STAB1: variants seen among roughly 807,000 people sequenced by gnomAD.
STAB1 encodes stabilin-1.
Under a neutral mutation model 332.4 loss-of-function variants are expected in STAB1, and 250 were observed. That is an observed-to-expected ratio of 0.75 (90% confidence interval 0.68 to 0.84). STAB1 has a LOEUF of 0.84. STAB1 is among the 40% of genes least tolerant of loss of function. The probability of loss-of-function intolerance (pLI) is 0.00; values close to 1 mark genes in which losing one functional copy is unlikely to be tolerated. For missense variants in STAB1, 3,249 were observed against 3,489.7 expected (o/e 0.93, Z 1.74); for synonymous variants, 1,475 against 1,390.4 (o/e 1.06, Z -1.35).
chr3:52,521,990 C>G, intron 58 of STAB1, 39 bp downstream of exon 58: 2 of 1,607,238 alleles, frequency 1.2e-6, no homozygotes, highest in Non-Finnish European at 1.7e-6. Context: ...GGGAGGCCCC[C>G]ACTCCCCTGC....
intron 41 of STAB1, 76 bp from the exon 42 acceptor site, chr3:52,516,908 C>G: frequency 6.2e-7 from 1 of 1,600,940 alleles, no homozygotes; most frequent in Non-Finnish European, 8.5e-7. Context: ...CTTTTCCTTT[C>G]TCTCACGCCC....
chr3:52,500,476 C>A (rs1318648073), intron 1 of STAB1, among the ~76,000 whole-genome samples: 1 of 152,264 alleles, frequency 6.6e-6, no homozygotes, highest in Admixed American at 6.5e-5. Flanking sequence ...AGGGCCAGGG[C>A]CCTTAGTCTC....
Position 52,519,254 on chromosome 3 carries a change from C to T in STAB1, c.5035-10C>T. ...CTATCTGCTTCATCAGCCCCGTGCCCCGCCCCCAGGGCAGCATATACCTCA... is the reference window on the plus strand; with the variant it reads ...CTATCTGCTTCATCAGCCCCGTGCCTCGCCCCCAGGGCAGCATATACCTCA... On this transcript the variant is annotated splice_polypyrimidine_tract_variant and intron_variant, in intron 48 of 68. Transcript: ENST00000321725. The T allele has an allele frequency of 1.2e-6, 2 of 1,609,724 alleles. No homozygotes were observed.
intron 25 of STAB1, among the ~76,000 whole-genome samples, chr3:52,510,863 G>A (rs542267152): frequency 9.3e-4 from 142 of 152,368 alleles, no homozygotes; most frequent in Non-Finnish European, 1.6e-3. Flanking sequence ...CTAGTCACGG[G>A]AGCTCGGAAC....
At chr3:52,508,093 A>G (rs1025026117) in intron 20 of STAB1, 67 bp downstream of exon 20, 1 of 1,525,234 alleles carries the variant, frequency 6.6e-7, no homozygotes, top group Admixed American at 1.8e-5. Context: ...GGGGCCCCCA[A>G]GCTGGGGCTG....
intron 3 of STAB1, 37 bp downstream of exon 3, chr3:52,501,790 A>C: frequency 1.3e-6 from 2 of 1,537,316 alleles, no homozygotes; most frequent in South Asian, 1.2e-5. Context: ...TGCGCCTCCC[A>C]CCCAGCCCCA....
intron 20 of STAB1, 73 bp downstream of exon 20, chr3:52,508,099 G>A: frequency 6.8e-7 from 1 of 1,473,480 alleles, no homozygotes; most frequent in Non-Finnish European, 9.4e-7. Flanking sequence ...CCCAAGCTGG[G>A]GCTGAGTGGG....
At chr3:52,514,016 C>T (rs1006311198) in intron 32 of STAB1, 35 bp downstream of exon 32, 22 of 1,592,100 alleles carry the variant, frequency 1.4e-5, no homozygotes, top group African/African-American at 1.3e-4. Context: ...TGTGCCTGCT[C>T]GGGGGACACT....
At chr3:52,512,104 C>G (rs1029177436) in intron 26 of STAB1, among the ~76,000 whole-genome samples, 57 of 152,380 alleles carry the variant, frequency 3.7e-4, no homozygotes, top group Non-Finnish European at 6.2e-4. Context: ...CTGGGTCCTC[C>G]CACAGCCCTG....
intron 5 of STAB1, 40 bp downstream of exon 5, chr3:52,502,268 C>T (rs1708508846): frequency 1.3e-6 from 2 of 1,597,034 alleles, no homozygotes; most frequent in Non-Finnish European, 1.7e-6. Flanking sequence ...CCAGCGTCCA[C>T]CTGGGGGCCC....
At chr3:52,517,776 A>T in intron 44 of STAB1, 105 bp from the exon 45 acceptor site, 1 of 1,586,570 alleles carries the variant, frequency 6.3e-7, no homozygotes, top group Non-Finnish European at 8.6e-7. Context: ...AGCAAATAGG[A>T]TCTGGGGGGC....
Position 52,507,933 on chromosome 3 carries a change from C to T in STAB1, c.2055C>T (p.Asp685=), listed in dbSNP as rs776946469. ...STCPPNSVKL[D]IFPKECVYIH... Reference sequence around the variant, plus strand: ...TGGCTTTGCATGGCCCACCCTAGGACATCTTCCCCAAGGAGTGTGTCTACA... The same window carrying T: ...TGGCTTTGCATGGCCCACCCTAGGATATCTTCCCCAAGGAGTGTGTCTACA... Residue 685 remains aspartate (D), a splice_region_variant and synonymous_variant, in exon 20 of 69, where the codon GAC becomes GAT. Transcript: ENST00000321725. 1.9e-6 allele frequency: 3 copies of T among 1,613,174 alleles called. No homozygotes were observed. Among genetic ancestry groups the T allele is most frequent in the Non-Finnish European group, 2.5e-6 (3 of 1,179,762 alleles).
intron 7 of STAB1, 82 bp downstream of exon 7, chr3:52,503,191 A>C (rs1197285749): frequency 3.3e-6 from 5 of 1,505,004 alleles, no homozygotes; most frequent in African/African-American, 1.4e-5. Flanking sequence ...AGCAAGTGCA[A>C]TGTAATTCAC....
At position 52,515,036 on chromosome 3, in the gene STAB1, C is replaced by T. The variant is rs2078812340; in HGVS notation, c.3855C>T (p.Phe1285=). Residue 1285 remains phenylalanine (F), a synonymous_variant, in exon 36 of 69, where the codon TTC becomes TTT. Coordinates refer to ENST00000321725, the MANE Select transcript of STAB1 (RefSeq NM_015136.3). ...CTRRFRCTQG[F]QLQDTPRKSC... is the part of the protein sequence containing the mutation. ...GGAGATTCCGCTGCACTCAGGGCTTCCAGCTGCAGGTGAGACTGGGCTTAG... is the reference window on the plus strand; with the variant it reads ...GGAGATTCCGCTGCACTCAGGGCTTTCAGCTGCAGGTGAGACTGGGCTTAG... The T allele has an allele frequency of 6.2e-7, 1 of 1,613,458 alleles. No homozygotes were observed. The highest frequency in any genetic ancestry group is 1.6e-4 in the Middle Eastern group (1 of 6,062).
In STAB1 at chr3:52,501,626, C is replaced by T. The variant is rs540746718; in HGVS notation, c.216-12C>T. On this transcript the variant is annotated splice_polypyrimidine_tract_variant and intron_variant, in intron 2 of 68. Transcript: ENST00000321725. ...AGCCTTTTCCATCACCCTGCCCACC[C>T]TCTGCCCCCAGCTACGAAGTACAGC... 2 of 1,549,550 alleles carry T rather than the reference C, an allele frequency of 1.3e-6. No homozygotes were observed. Among genetic ancestry groups the T allele is most frequent in the African/African-American group, 1.4e-5 (1 of 73,168 alleles).
chr3:52,515,591 A>G, intron 37 of STAB1, 85 bp downstream of exon 37: 1 of 1,428,016 alleles, frequency 7.0e-7, no homozygotes, highest in Non-Finnish European at 9.7e-7. Context: ...CCCAGTTTGG[A>G]TCTTAAGGAC....
Position 52,519,381 on chromosome 3 carries a change from C to G in STAB1, c.5152C>G (p.Pro1718Ala). The G allele has an allele frequency of 6.2e-7, 1 of 1,613,054 alleles. No individual in the cohort carries two copies. The highest frequency in any genetic ancestry group is 8.5e-7 in the Non-Finnish European group (1 of 1,179,984). ...GCCCCCCGAGGCGCTGCACTGGGAG[C>G]CTGATGATGCTCCCATCCCGAGGGT... The part of the protein sequence containing the change: ...LLPPEALHWE[P>A]DDAPIPRRNV... The change falls in exon 49 of 69, where the codon CCT (proline) becomes GCT (alanine). Residue 1718 changes from proline (P) to alanine (A), a missense_variant. Physicochemically the swap from Pro to Ala is conservative, Grantham distance 27. Transcript: ENST00000321725.
At chr3:52,497,289 C>G (rs1016027643) in intron 1 of STAB1, among the ~76,000 whole-genome samples, 2 of 151,980 alleles carry the variant, frequency 1.3e-5, no homozygotes, top group Non-Finnish European at 2.9e-5. Flanking sequence ...CGTGCCCAAC[C>G]CCATGTTCAG....
chr3:52,508,142 C>A, intron 20 of STAB1, 116 bp downstream of exon 20: 2 of 1,362,612 alleles, frequency 1.5e-6, no homozygotes, highest in Non-Finnish European at 2.0e-6. Context: ...TGCAGCCTGA[C>A]GGTGGAAAAG....
Sources: gnomAD v4.1 joint callset for allele counts (sites outside exome capture counted in the v4.1 genomes callset) on GRCh38, gnomAD v4.1.1 for gene constraint, MANE v1.5 for transcripts, NCBI Gene and HGNC (gene_info 2026-07-23, HGNC 2026-07-21) for gene names.